Variants in PDZD2 observed in about 807,000 individuals in gnomAD.
PDZD2 encodes the protein PDZ domain containing 2.
PDZD2 carries 90 observed loss-of-function variants against 220.7 expected under a neutral mutation model. The ratio of observed to expected loss-of-function variants is 0.41; its 90% CI spans 0.34 to 0.49. PDZD2 has a LOEUF of 0.49. Among genes scored for constraint, PDZD2 ranks in the 20% least tolerant of loss-of-function variants. The probability of loss-of-function intolerance (pLI) is 0.28; values close to 1 mark genes in which losing one functional copy is unlikely to be tolerated. For missense variants in PDZD2, 3,174 were observed against 3,608.5 expected (o/e 0.88, Z 3.08); for synonymous variants, 1,375 against 1,450.5 (o/e 0.95, Z 1.18).
chr5:31,776,884 C>T (rs1752689972), intron 1 of PDZD2, among the ~76,000 whole-genome samples: 1 of 151,966 alleles, frequency 6.6e-6, no homozygotes, highest in Non-Finnish European at 1.5e-5. Context: ...GTCTTGAATC[C>T]CTGGTCTCAG....
At position 32,098,520 on chromosome 5, in the gene PDZD2, G is replaced by A. The variant is rs370370782; in HGVS notation, c.8104G>A (p.Val2702Met). The change falls in exon 23 of 25, where the codon GTG becomes ATG. Residue 2702 changes from valine (V) to methionine (M), a missense_variant. Physicochemically the swap from Val to Met is conservative, Grantham distance 21. Coordinates refer to ENST00000438447, the MANE Select transcript of PDZD2 (RefSeq NM_178140.4). The surrounding 1 kb of genome is among the most constrained non-coding windows in gnomAD (Gnocchi z 4.1). ...HQAQLHKDALVVIKKGMDQPR... is the reference protein window; with the variant it reads ...HQAQLHKDALMVIKKGMDQPR... ...GGCACAGCTGCACAAAGATGCCCTC[G>A]TGGTCATCAAGAAAGGGATGGATCA... 53 of 1,614,132 alleles carry A rather than the reference G, an allele frequency of 3.3e-5. No individual in the cohort carries two copies. Among genetic ancestry groups the A allele is most frequent in the Non-Finnish European group, 3.9e-5 (46 of 1,180,026 alleles).
intron 2 of PDZD2, among the ~76,000 whole-genome samples, chr5:31,938,466 C>T (rs1046071641): frequency 2.6e-5 from 4 of 152,176 alleles, no homozygotes; most frequent in Admixed American, 6.5e-5. Context: ...GATTTTCACC[C>T]TCTTTCCTGG....
chr5:31,663,311 A>G (rs571057182), intron 1 of PDZD2, among the ~76,000 whole-genome samples: 1 of 152,332 alleles, frequency 6.6e-6, no homozygotes, highest in South Asian at 2.1e-4. Context: ...ACAAATCTCA[A>G]CCCAGAGAGC....
At chr5:31,967,167 A>C (rs1748835005) in intron 2 of PDZD2, among the ~76,000 whole-genome samples, 1 of 152,164 alleles carries the variant, frequency 6.6e-6, no homozygotes, top group Non-Finnish European at 1.5e-5. Flanking sequence ...GGAAGAATTG[A>C]GGCAAGCTGG....
chr5:31,950,307 GGAA>G (rs1362078327), intron 2 of PDZD2, among the ~76,000 whole-genome samples: 2 of 152,128 alleles, frequency 1.3e-5, no homozygotes, highest in African/African-American at 4.8e-5. Context: ...ATGGCCCTGT[GGAA>G]GGACTGAGAA....
chr5:31,847,610 G>T (rs759364888), intron 2 of PDZD2: 1 of 646,762 alleles, frequency 1.5e-6, no homozygotes, highest in Non-Finnish European at 2.9e-6. Context: ...TTTGGCATGG[G>T]CAAGATCTAG....
chr5:32,039,571 T>C (rs939149268), intron 7 of PDZD2, among the ~76,000 whole-genome samples: 1 of 151,892 alleles, frequency 6.6e-6, no homozygotes, highest in Non-Finnish European at 1.5e-5. Context: ...CCACCCATCG[T>C]CTGGGATGTG....
chr5:31,823,148 A>G, intron 2 of PDZD2: 2 of 153,248 alleles, frequency 1.3e-5, no homozygotes, highest in Non-Finnish European at 2.5e-5. Context: ...CTCGCAGTAG[A>G]CGTGGCAAAA....
chr5:32,059,345 G>C lies in PDZD2; in HGVS notation c.2307G>C (p.Glu769Asp). 2 of 1,573,698 alleles carry C rather than the reference G, an allele frequency of 1.3e-6. No homozygotes were observed. Among genetic ancestry groups the C allele is most frequent in the Non-Finnish European group, 1.7e-6 (2 of 1,143,208 alleles). ...CTCCAGGATCAGTGGCCAAGATGGA[G>C]AGCAACCTGAGGTTTGTTGTTTGCC... ...SLAPGSVAKM[E>D]SNLSRGDQIL... is the part of the protein sequence containing the mutation. The change falls in exon 13 of 25, where the codon GAG becomes GAC. Residue 769 changes from glutamate (E) to aspartate (D), a missense_variant. By Grantham distance (45) the Glu-to-Asp change is conservative. Transcript: ENST00000438447.
rs1315996524 is a variant in PDZD2 at position 32,087,765 on chromosome 5, A to G, written c.4317A>G (p.Ala1439=). Residue 1439 remains alanine, a synonymous_variant, in exon 20 of 25, where the codon GCA becomes GCG. Coordinates refer to ENST00000438447, the MANE Select transcript of PDZD2 (RefSeq NM_178140.4). This position sits in a 1 kb window ranked among gnomAD's most constrained non-coding sequence, Gnocchi z 4.0. The part of the protein sequence containing the change: ...SFIKELDASA[A]RSPSSQTGDS... ...TCAAGGAGCTGGATGCTTCTGCAGC[A>G]AGGTCTCCGTCTTCCCAGACGGGGG... 6.2e-7 allele frequency: 1 copy of G among 1,614,002 alleles called. No homozygotes were observed. The highest frequency in any genetic ancestry group is 8.5e-7 in the Non-Finnish European group (1 of 1,179,994).
At chr5:31,759,698 A>C (rs888288822) in intron 1 of PDZD2, among the ~76,000 whole-genome samples, 1 of 151,900 alleles carries the variant, frequency 6.6e-6, no homozygotes, top group Non-Finnish European at 1.5e-5. Flanking sequence ...GATGCATGCC[A>C]CCACTCCTGG....
At chr5:31,920,271 G>A (rs560423185) in intron 2 of PDZD2, among the ~76,000 whole-genome samples, 102 of 149,954 alleles carry the variant, frequency 6.8e-4, no homozygotes, top group Non-Finnish European at 6.9e-4. Context: ...GTAACAGAGT[G>A]AGACCCGGTT....
At chr5:31,748,379 C>T (rs1750728770) in intron 1 of PDZD2, among the ~76,000 whole-genome samples, 2 of 152,232 alleles carry the variant, frequency 1.3e-5, no homozygotes, top group South Asian at 4.1e-4. Flanking sequence ...CCCAGCCACT[C>T]CCCATTCTTC....
chr5:31,749,423 ATTTTT>A (rs34580721), intron 1 of PDZD2, among the ~76,000 whole-genome samples: 5 of 140,034 alleles, frequency 3.6e-5, no homozygotes, highest in African/African-American at 5.3e-5. Flanking sequence ...TCACTGTGTG[ATTTTT>A]TTTTTTTTTT....
At chr5:32,050,567 C>T (rs1168601341) in intron 8 of PDZD2, among the ~76,000 whole-genome samples, 4 of 152,202 alleles carry the variant, frequency 2.6e-5, no homozygotes, top group Non-Finnish European at 5.9e-5. Flanking sequence ...TGCCCGTAAT[C>T]CCAGCACTTT....
intron 1 of PDZD2, among the ~76,000 whole-genome samples, chr5:31,755,953 T>A (rs1751283184): frequency 6.6e-6 from 1 of 152,008 alleles, no homozygotes; most frequent in Non-Finnish European, 1.5e-5. Context: ...ACTCCTAGTG[T>A]TATTGGGTCT....
chr5:31,672,101 A>C (rs889464915), intron 1 of PDZD2, among the ~76,000 whole-genome samples: 2 of 152,158 alleles, frequency 1.3e-5, no homozygotes, highest in Non-Finnish European at 2.9e-5. Context: ...GTGATGACCA[A>C]AAATGTCTCC....
intron 2 of PDZD2, among the ~76,000 whole-genome samples, chr5:31,962,423 C>G (rs1257955074): frequency 6.6e-6 from 1 of 152,154 alleles, no homozygotes; most frequent in African/African-American, 2.4e-5. Flanking sequence ...TCTCAGCAGG[C>G]CTGAAGAGCT....
chr5:31,854,165 T>A (rs1400357995), intron 2 of PDZD2, among the ~76,000 whole-genome samples: 1 of 152,258 alleles, frequency 6.6e-6, no homozygotes, highest in Non-Finnish European at 1.5e-5. Flanking sequence ...ACTCTTTTCC[T>A]GTCTTATTTG....
Sources: allele counts gnomAD v4.1 joint callset (sites outside exome capture counted in the v4.1 genomes callset), GRCh38; gene constraint gnomAD v4.1.1; non-coding constraint Gnocchi (gnomAD v3.1); transcripts MANE v1.5; gene names NCBI Gene and HGNC (gene_info 2026-07-23, HGNC 2026-07-21).